Variants in TSHZ3 observed in about 807,000 individuals in gnomAD.
The protein encoded by TSHZ3 is teashirt zinc finger homeobox 3, also known as teashirt homolog 3.
Under a neutral mutation model 64.5 loss-of-function variants are expected in TSHZ3, and 10 were observed. The ratio of observed to expected loss-of-function variants is 0.16; its 90% confidence interval spans 0.10 to 0.26. TSHZ3 has a LOEUF of 0.26. TSHZ3 is among the 10% of genes least tolerant of loss of function. The probability of loss-of-function intolerance (pLI) is 1.00; values close to 1 mark genes in which losing one functional copy is unlikely to be tolerated. For missense variants in TSHZ3, 1,242 were observed against 1,421.7 expected, an observed-to-expected ratio of 0.87 and a Z score of 2.03; for synonymous variants, 608 against 593.1, an observed-to-expected ratio of 1.03 and a Z score of -0.36.
chr19:31,209,811 G>A (rs1282761191), intron 4 of TSHZ3, among the ~76,000 whole-genome samples: 1 of 152,094 alleles, frequency 6.6e-6, no homozygotes, highest in Non-Finnish European at 1.5e-5. Context: ...TAGGTGCAGT[G>A]AGGGTAATCC....
At chr19:31,243,840 T>C (rs188310882) in intron 1 of TSHZ3, among the ~76,000 whole-genome samples, 12 of 152,320 alleles carry the variant, frequency 7.9e-5, no homozygotes, top group African/African-American at 2.6e-4. Flanking sequence ...GGAAACTTGA[T>C]GTAACAATAT....
intron 1 of TSHZ3, among the ~76,000 whole-genome samples, chr19:31,259,164 C>G (rs141822375): frequency 6.6e-6 from 1 of 152,262 alleles, no homozygotes; most frequent in East Asian, 1.9e-4. Flanking sequence ...CATTTTAAAA[C>G]CATGGAAATA....
chr19:31,248,434 A>C (rs1975786422), intron 1 of TSHZ3, among the ~76,000 whole-genome samples: 1 of 152,194 alleles, frequency 6.6e-6, no homozygotes, highest in Non-Finnish European at 1.5e-5. Flanking sequence ...TGCAGCAAGC[A>C]ACCAGGGTCT....
intron 1 of TSHZ3, among the ~76,000 whole-genome samples, chr19:31,304,120 G>A (rs542993367): frequency 3.9e-5 from 6 of 152,038 alleles, no homozygotes; most frequent in East Asian, 1.9e-4. Context: ...GATTACAGGC[G>A]CGCACCACCA....
Position 31,277,790 on chromosome 19 carries a change from T to C in TSHZ3, c.2003A>G (p.Glu668Gly). 1 of 1,539,454 alleles carries C rather than the reference T, an allele frequency of 6.5e-7. No individual in the cohort carries two copies. The highest frequency in any genetic ancestry group is 8.7e-7 in the Non-Finnish European group (1 of 1,146,404). Reference sequence around the variant, plus strand: ...ATCCCGCGGGGGGCTGGGGCTGTTCTCCTGGCTGCGGAAGCCCCCATCGCT... The same window carrying C: ...ATCCCGCGGGGGGCTGGGGCTGTTCCCCTGGCTGCGGAAGCCCCCATCGCT... The part of the protein sequence containing the change: ...ASSDGGFRSQ[E>G]NSPSPPRDGC... Residue 668 changes from glutamate (E) to glycine (G), a missense_variant, in exon 2 of 2, where the codon GAG becomes GGG. Physicochemically the swap from Glu to Gly is moderately conservative, Grantham distance 98 (BLOSUM62 -2). Transcript: ENST00000240587. This position sits in a 1 kb window ranked among gnomAD's most constrained non-coding sequence, Gnocchi z 4.5.
At chr19:31,334,728 G>A (rs1429596917) in intron 1 of TSHZ3, among the ~76,000 whole-genome samples, 1 of 152,102 alleles carries the variant, frequency 6.6e-6, no homozygotes, top group Admixed American at 6.5e-5. Flanking sequence ...GGAGTCTTAG[G>A]TTTTCTCACC....
intron 1 of TSHZ3, among the ~76,000 whole-genome samples, chr19:31,302,902 A>G (rs1976777668): frequency 6.6e-6 from 1 of 152,216 alleles, no homozygotes; most frequent in African/African-American, 2.4e-5. Flanking sequence ...CTTGGTGGAA[A>G]TAAGATGTCA....
intron 1 of TSHZ3, among the ~76,000 whole-genome samples, chr19:31,284,759 T>C (rs1032194523): frequency 5.3e-5 from 8 of 152,160 alleles, no homozygotes; most frequent in South Asian, 2.1e-4. Flanking sequence ...TCCAACACAT[T>C]GTCAGCTTTG....
At chr19:31,260,401 T>G (rs1975969622) in intron 1 of TSHZ3, among the ~76,000 whole-genome samples, 1 of 152,096 alleles carries the variant, frequency 6.6e-6, no homozygotes, top group Non-Finnish European at 1.5e-5. Context: ...TCCTCTTCAG[T>G]GGTCAGGTCT....
At chr19:31,251,778 C>A (rs563303497) in intron 1 of TSHZ3, among the ~76,000 whole-genome samples, 1 of 152,304 alleles carries the variant, frequency 6.6e-6, no homozygotes, top group East Asian at 1.9e-4. Context: ...CTCATTCCTG[C>A]CTGGGGAGGT....
At position 31,277,984 on chromosome 19, in the gene TSHZ3, G is replaced by A. The variant is rs138330927; in HGVS notation, c.1809C>T (p.Pro603=). ...CCTCCATGGCATGAAAGTTTGTCTT[G>A]GGCATGGGGGACGTCTGGCTGCTGG... The part of the protein sequence containing the change: ...SPPSSQTSPM[P]KTNFHAMEEL... The change falls in exon 2 of 2, where the codon CCC becomes CCT. Residue 603 remains proline (P), a synonymous_variant. Coordinates refer to ENST00000240587, the MANE Select transcript of TSHZ3 (RefSeq NM_020856.4). The surrounding 1 kb of genome is among the most constrained non-coding windows in gnomAD (Gnocchi z 4.5). 7.3e-4 allele frequency: 1,177 copies of A among 1,614,166 alleles called. No homozygotes were observed. The highest frequency in any genetic ancestry group is 1.3e-3 in the Admixed American group (76 of 60,024).
At chr19:31,306,821 C>T (rs1916313086) in intron 1 of TSHZ3, among the ~76,000 whole-genome samples, 1 of 152,120 alleles carries the variant, frequency 6.6e-6, no homozygotes, top group Admixed American at 6.5e-5. Context: ...GAAAGAGAAA[C>T]ATACTAATTA....
In TSHZ3 at chr19:31,298,518, G is replaced by A. The variant is rs113748581; in HGVS notation, c.41-18766C>T. Among the ~76,000 whole-genome samples, 1,119 of 152,214 alleles carry A rather than the reference G, an allele frequency of 7.4e-3. 10 individuals carry two copies. Among genetic ancestry groups the A allele is most frequent in the African/African-American group, 0.026 (1,064 of 41,532 alleles). On this transcript the variant is annotated intron_variant, in intron 1 of 1. Coordinates refer to ENST00000240587, the MANE Select transcript of TSHZ3 (RefSeq NM_020856.4). ...CACTTCGGCACCAAGCAGCATTTCC[G>A]TAAAGAATTAAAAGCCCAGAACCAA...
Position 31,277,771 on chromosome 19 carries a change from C to T in TSHZ3, c.2022G>A (p.Pro674=), listed in dbSNP as rs151270303. 46 of 1,529,598 alleles carry T rather than the reference C, an allele frequency of 3.0e-5. 1 individual carries two copies. In the Admixed American group the frequency reaches 5.4e-4, roughly 18 times the overall value. 94.8% of individuals were successfully genotyped at this position (1,529,598 alleles called of 1,614,324 possible). ...GGCTCCCATCCTTGCACCCATCCCGCGGGGGGCTGGGGCTGTTCTCCTGGC... is the reference window on the plus strand; with the variant it reads ...GGCTCCCATCCTTGCACCCATCCCGTGGGGGGCTGGGGCTGTTCTCCTGGC... ...FRSQENSPSP[P]RDGCKDGSPL... The change falls in exon 2 of 2, where the codon CCG becomes CCA. Residue 674 remains proline, a synonymous_variant. Transcript: ENST00000240587. The surrounding 1 kb of genome is among the most constrained non-coding windows in gnomAD (Gnocchi z 4.5).
At chr19:31,240,968 A>G (rs1460134914) in intron 3 of TSHZ3, among the ~76,000 whole-genome samples, 6 of 152,172 alleles carry the variant, frequency 3.9e-5, no homozygotes, top group Non-Finnish European at 7.4e-5. Context: ...ACTTGTTTTA[A>G]AGTCTTTGCT....
intron 1 of TSHZ3, among the ~76,000 whole-genome samples, chr19:31,268,084 G>A (rs976011303): frequency 1.3e-5 from 2 of 152,090 alleles, no homozygotes; most frequent in African/African-American, 2.4e-5. Context: ...TAAGTCTCAC[G>A]AGATTTGATG....
At chr19:31,155,168 G>A (rs1974290415) in intron 6 of TSHZ3, among the ~76,000 whole-genome samples, 1 of 152,210 alleles carries the variant, frequency 6.6e-6, no homozygotes, top group Admixed American at 6.5e-5. Context: ...CATCCTCACA[G>A]CCGCCTGAAC....
At chr19:31,227,571 GA>G (rs1003495580) in intron 4 of TSHZ3, among the ~76,000 whole-genome samples, 4 of 152,182 alleles carry the variant, frequency 2.6e-5, no homozygotes, top group Admixed American at 1.3e-4. Flanking sequence ...GAAGGGGGAA[GA>G]AAGAGAGGAT....
chr19:31,320,894 G>C (rs961149628), intron 1 of TSHZ3, among the ~76,000 whole-genome samples: 6 of 152,302 alleles, frequency 3.9e-5, no homozygotes, highest in African/African-American at 1.4e-4. Flanking sequence ...ATTCTGAGAT[G>C]ACTGAAGGAG....
Sources: allele counts gnomAD v4.1 joint callset (sites outside exome capture counted in the v4.1 genomes callset), GRCh38; gene constraint gnomAD v4.1.1; non-coding constraint Gnocchi (gnomAD v3.1); transcripts MANE v1.5; gene names NCBI Gene and HGNC (gene_info 2026-07-23, HGNC 2026-07-21).